The following ADGRB3 variants were observed in gnomAD, a reference collection of about 807,000 sequenced individuals.
ADGRB3 encodes adhesion G protein-coupled receptor B3.
A neutral mutation model predicts 193.4 loss-of-function variants in ADGRB3; 37 were observed. The observed-to-expected ratio is 0.19, with a 90% CI of 0.15 to 0.25. The LOEUF is 0.25. Ranked by LOEUF, ADGRB3 falls within the 10% of genes least tolerant of loss-of-function variation. The probability of loss-of-function intolerance (pLI) is 1.00; values close to 1 mark genes in which losing one functional copy is unlikely to be tolerated. For missense variants in ADGRB3, 1,637 were observed against 1,852.9 expected (o/e 0.88, Z 2.14); for synonymous variants, 690 against 644.2 (o/e 1.07, Z -1.08).
chr6:68,968,270 G>A (rs998960829), intron 8 of ADGRB3, among the ~76,000 whole-genome samples: 1 of 152,078 alleles, frequency 6.6e-6, no homozygotes, highest in Admixed American at 6.6e-5. Flanking sequence ...GGTTTGCAAT[G>A]ACCACATTTT....
chr6:69,083,792 T>C (rs1019209526), intron 17 of ADGRB3, among the ~76,000 whole-genome samples: 2 of 88,452 alleles, frequency 2.3e-5, no homozygotes, highest in African/African-American at 7.5e-5. Flanking sequence ...TTTTTTTTTT[T>C]GAGACAGAGT....
intron 20 of ADGRB3, among the ~76,000 whole-genome samples, chr6:69,305,779 C>T (rs928033542): frequency 6.6e-6 from 1 of 151,166 alleles, no homozygotes; most frequent in African/African-American, 2.4e-5. Flanking sequence ...TTTAAGCCCT[C>T]GAATATTCTA....
chr6:68,913,861 G>C (rs940839938), intron 3 of ADGRB3, among the ~76,000 whole-genome samples: 1 of 152,114 alleles, frequency 6.6e-6, no homozygotes. Context: ...AGCTGATGGA[G>C]CTGAAAGCCA....
intron 3 of ADGRB3, among the ~76,000 whole-genome samples, chr6:68,825,461 T>G (rs1391043560): frequency 6.8e-6 from 1 of 146,920 alleles, no homozygotes; most frequent in South Asian, 2.2e-4. Flanking sequence ...TATATGCATA[T>G]GTGTCATGTG....
chr6:69,114,084 G>C (rs188332653), intron 17 of ADGRB3, among the ~76,000 whole-genome samples: 87 of 152,222 alleles, frequency 5.7e-4, no homozygotes, highest in Non-Finnish European at 4.3e-4. Context: ...TCTTAATATG[G>C]CTTTAGTAAT....
chr6:69,256,064 C>A (rs1352792609), intron 20 of ADGRB3, among the ~76,000 whole-genome samples: 2 of 151,598 alleles, frequency 1.3e-5, no homozygotes, highest in Non-Finnish European at 2.9e-5. Context: ...TGATCTATAT[C>A]TCTGTTTTGG....
intron 20 of ADGRB3, among the ~76,000 whole-genome samples, chr6:69,253,494 A>G (rs775281122): frequency 1.3e-5 from 2 of 152,060 alleles, no homozygotes; most frequent in Non-Finnish European, 2.9e-5. Context: ...AGGATCATTA[A>G]GTTGTTGTGA....
At chr6:69,251,358 T>A (rs1213972932) in intron 20 of ADGRB3, among the ~76,000 whole-genome samples, 1 of 149,336 alleles carries the variant, frequency 6.7e-6, no homozygotes, top group Non-Finnish European at 1.5e-5. Context: ...CTAATCTGTC[T>A]AGGAACCCAT....
intron 30 of ADGRB3, among the ~76,000 whole-genome samples, chr6:69,372,913 T>C (rs747768789): frequency 6.6e-6 from 1 of 152,022 alleles, no homozygotes; most frequent in Non-Finnish European, 1.5e-5. Flanking sequence ...TGCGGTACAT[T>C]TGATGCTTTT....
chr6:68,939,276 T>C (rs1248567007), intron 5 of ADGRB3, among the ~76,000 whole-genome samples: 2 of 152,178 alleles, frequency 1.3e-5, no homozygotes, highest in African/African-American at 4.8e-5. Context: ...AAAAATCAGA[T>C]CTTGGTGATG....
intron 17 of ADGRB3, among the ~76,000 whole-genome samples, chr6:69,174,913 A>G (rs1245696788): frequency 1.3e-5 from 2 of 152,166 alleles, no homozygotes; most frequent in African/African-American, 4.8e-5. Flanking sequence ...TCTTCTTTTG[A>G]AAAGTATCTG....
chr6:69,079,734 G>A (rs1397307970), intron 17 of ADGRB3, among the ~76,000 whole-genome samples: 4 of 152,014 alleles, frequency 2.6e-5, no homozygotes, highest in African/African-American at 9.7e-5. Flanking sequence ...TAGATCATGC[G>A]TGGTGACTAC....
At chr6:69,051,101 C>T (rs751138715) in intron 15 of ADGRB3, among the ~76,000 whole-genome samples, 26 of 151,878 alleles carry the variant, frequency 1.7e-4, no homozygotes, top group Non-Finnish European at 3.2e-4. Context: ...GAAAAAGAAA[C>T]ATTTAATTAG....
At chr6:68,863,259 G>A (rs1052038885) in intron 3 of ADGRB3, among the ~76,000 whole-genome samples, 2 of 152,036 alleles carry the variant, frequency 1.3e-5, no homozygotes, top group Admixed American at 1.3e-4. Context: ...TCAAATTCCT[G>A]AGTACAGACA....
intron 17 of ADGRB3, among the ~76,000 whole-genome samples, chr6:69,188,353 G>A (rs991804002): frequency 3.9e-5 from 6 of 151,932 alleles, no homozygotes; most frequent in Admixed American, 2.0e-4. Flanking sequence ...TTGTTGCCCA[G>A]GCTGGAGTGC....
At chr6:68,838,978 A>C (rs1297797858) in intron 3 of ADGRB3, among the ~76,000 whole-genome samples, 3 of 152,102 alleles carry the variant, frequency 2.0e-5, no homozygotes, top group Non-Finnish European at 4.4e-5. Context: ...ACAAAAACAC[A>C]AAAAGAAAAA....
At chr6:69,277,243 T>A (rs1328148156) in intron 20 of ADGRB3, among the ~76,000 whole-genome samples, 1 of 152,088 alleles carries the variant, frequency 6.6e-6, no homozygotes, top group Non-Finnish European at 1.5e-5. Flanking sequence ...TTTGCCCACC[T>A]CAGCCTCCCA....
intron 3 of ADGRB3, among the ~76,000 whole-genome samples, chr6:68,880,618 C>T (rs1257689950): frequency 6.6e-6 from 1 of 152,138 alleles, no homozygotes; most frequent in Non-Finnish European, 1.5e-5. Flanking sequence ...GGTCAATGCT[C>T]CCCAAGGGGT....
intron 14 of ADGRB3, 72 bp from the exon 15 acceptor site, chr6:69,049,199 A>G: frequency 9.2e-7 from 1 of 1,088,720 alleles, no homozygotes; most frequent in Non-Finnish European, 1.4e-6. Context: ...TCTTGTAATT[A>G]GCAGATTAAA....
Sources: allele counts gnomAD v4.1 joint callset (sites outside exome capture counted in the v4.1 genomes callset), GRCh38; gene constraint gnomAD v4.1.1; transcripts MANE v1.5; gene names NCBI Gene and HGNC (gene_info 2026-07-23, HGNC 2026-07-21).